The following MAML3 variants were observed in gnomAD, a reference collection of about 807,000 sequenced individuals.
The protein encoded by MAML3 is mastermind like transcriptional coactivator 3.
In MAML3, 27 loss-of-function variants were observed where a neutral mutation model predicts 101.9. The ratio of observed to expected loss-of-function variants is 0.27; its 90% CI spans 0.20 to 0.37. The LOEUF is 0.37. Among genes scored for constraint, MAML3 ranks in the 10% least tolerant of loss-of-function variants. The pLI is 1.00. For synonymous variants in MAML3, 501 were observed against 555.9 expected (o/e 0.90, Z 1.39); for missense variants, 1,316 against 1,444.9 (o/e 0.91, Z 1.45).
At chr4:139,888,218 T>C (rs982207616) in intron 2 of MAML3, among the ~76,000 whole-genome samples, 1 of 152,160 alleles carries the variant, frequency 6.6e-6, no homozygotes, top group African/African-American at 2.4e-5. Context: ...AAGATGCAAA[T>C]AACCAAGTGA....
chr4:140,019,183 T>C (rs1010164974), intron 1 of MAML3, among the ~76,000 whole-genome samples: 2 of 151,906 alleles, frequency 1.3e-5, no homozygotes, highest in African/African-American at 4.8e-5. Flanking sequence ...TTGGATATGT[T>C]TTTTCAGTTT....
chr4:140,152,800 C>T (rs1272881063), intron 1 of MAML3, 60 bp downstream of exon 1: 16 of 1,564,246 alleles, frequency 1.0e-5, no homozygotes, highest in Non-Finnish European at 1.3e-5. Flanking sequence ...CTCCACGCGC[C>T]CCCCACCACC....
chr4:140,069,336 GAGAAGGAGAAGGAGAAGGAGAAGGAGA>G (rs1560883425), intron 1 of MAML3, among the ~76,000 whole-genome samples: 1 of 107,892 alleles, frequency 9.3e-6, no homozygotes, highest in Non-Finnish European at 2.1e-5. Flanking sequence ...GAAGGAGAAG[GAGAAGGAGAAGGAGAAGGAGAAGGAGA>G]AGAAGAAGAA....
chr4:140,106,802 G>A (rs765686600), intron 1 of MAML3, among the ~76,000 whole-genome samples: 5 of 152,226 alleles, frequency 3.3e-5, no homozygotes, highest in African/African-American at 4.8e-5. Context: ...TGAAGGCTTA[G>A]CAAAATCCTG....
At chr4:140,035,449 A>G (rs1031309467) in intron 1 of MAML3, among the ~76,000 whole-genome samples, 1 of 152,202 alleles carries the variant, frequency 6.6e-6, no homozygotes, top group Admixed American at 6.5e-5. Flanking sequence ...TATAGCTTTT[A>G]AATTACAAAC....
chr4:140,045,921 G>A (rs1727175652), intron 1 of MAML3, among the ~76,000 whole-genome samples: 1 of 152,176 alleles, frequency 6.6e-6, no homozygotes, highest in African/African-American at 2.4e-5. Context: ...CTAGGGTTAA[G>A]CGCAGCAACA....
intron 1 of MAML3, among the ~76,000 whole-genome samples, chr4:140,020,387 C>A (rs189186522): frequency 1.3e-5 from 2 of 150,782 alleles, no homozygotes; most frequent in East Asian, 3.9e-4. Flanking sequence ...AATAATTGCA[C>A]CATGAAATCT....
chr4:139,808,989 T>C (rs956743232), intron 2 of MAML3, among the ~76,000 whole-genome samples: 6 of 152,106 alleles, frequency 3.9e-5, no homozygotes, highest in Non-Finnish European at 5.9e-5. Flanking sequence ...AATGTCGGTG[T>C]GTGACTCCCC....
At chr4:139,776,718 C>T (rs1039500942) in intron 2 of MAML3, among the ~76,000 whole-genome samples, 1 of 152,156 alleles carries the variant, frequency 6.6e-6, no homozygotes, top group Non-Finnish European at 1.5e-5. Context: ...AGACAGAAGC[C>T]AGGGGCAGAG....
At chr4:139,960,545 CA>C in intron 1 of MAML3, among the ~76,000 whole-genome samples, 1 of 152,164 alleles carries the variant, frequency 6.6e-6, no homozygotes, top group Non-Finnish European at 1.5e-5. Flanking sequence ...ATGAAAATTA[CA>C]GGGCAGCCAC....
intron 1 of MAML3, among the ~76,000 whole-genome samples, chr4:140,101,726 G>C (rs1457056834): frequency 2.0e-5 from 3 of 151,998 alleles, no homozygotes; most frequent in Non-Finnish European, 4.4e-5. Flanking sequence ...AACACCTTCA[G>C]TTCCTTGGCC....
intron 2 of MAML3, among the ~76,000 whole-genome samples, chr4:139,781,890 A>G (rs894552275): frequency 6.6e-6 from 1 of 152,220 alleles, no homozygotes; most frequent in African/African-American, 2.4e-5. Context: ...CCCCATGTGC[A>G]ACCACCCATC....
At chr4:139,889,231 A>T (rs1272806819) in intron 2 of MAML3, 126 bp downstream of exon 2, 2 of 1,558,252 alleles carry the variant, frequency 1.3e-6, no homozygotes, top group South Asian at 2.2e-5. Flanking sequence ...CTACCTGAGG[A>T]TGTGTAAAGA....
intron 2 of MAML3, among the ~76,000 whole-genome samples, chr4:139,764,688 G>T (rs900443062): frequency 3.9e-5 from 6 of 152,214 alleles, no homozygotes; most frequent in African/African-American, 1.4e-4. Context: ...TACTGGAAAC[G>T]CGGGGAAAGA....
chr4:140,091,112 G>A (rs1728038489), intron 1 of MAML3, among the ~76,000 whole-genome samples: 1 of 151,970 alleles, frequency 6.6e-6, no homozygotes, highest in East Asian at 1.9e-4. Flanking sequence ...TTGGACAGAG[G>A]GCTTTTTCTA....
chr4:139,844,796 C>T (rs560692040), intron 2 of MAML3, among the ~76,000 whole-genome samples: 2 of 152,298 alleles, frequency 1.3e-5, no homozygotes, highest in African/African-American at 4.8e-5. Flanking sequence ...GACCAGAAGA[C>T]AAGACTGCAG....
chr4:139,823,606 G>A (rs2111125069), intron 2 of MAML3, among the ~76,000 whole-genome samples: 1 of 152,210 alleles, frequency 6.6e-6, no homozygotes, highest in East Asian at 1.9e-4. Flanking sequence ...AGACACATCA[G>A]CAGCGTCTAA....
intron 1 of MAML3, among the ~76,000 whole-genome samples, chr4:139,955,410 C>T (rs1468773715): frequency 6.6e-6 from 1 of 151,752 alleles, no homozygotes; most frequent in Non-Finnish European, 1.5e-5. Flanking sequence ...CTAAGTTTTC[C>T]AGTCATCTTT....
intron 1 of MAML3, among the ~76,000 whole-genome samples, chr4:140,045,896 C>T (rs1727175034): frequency 6.6e-6 from 1 of 152,128 alleles, no homozygotes; most frequent in African/African-American, 2.4e-5. Context: ...CCCTTAATTG[C>T]CGTGGCCTAG....
Sources: gnomAD v4.1 joint callset for allele counts (sites outside exome capture counted in the v4.1 genomes callset) on GRCh38, gnomAD v4.1.1 for gene constraint, MANE v1.5 for transcripts, NCBI Gene and HGNC (gene_info 2026-07-23, HGNC 2026-07-21) for gene names.